BCKDHB: variants seen among roughly 807,000 people sequenced by gnomAD.
BCKDHB encodes branched chain keto acid dehydrogenase E1 subunit beta, also known as 2-oxoisovalerate dehydrogenase subunit beta, mitochondrial.
BCKDHB carries 41 observed loss-of-function variants against 48.5 expected under a neutral mutation model. The ratio of observed to expected loss-of-function variants is 0.85; its 90% confidence interval spans 0.66 to 1.10. The LOEUF is 1.10. BCKDHB is among the 50% of genes least tolerant of loss of function. The pLI, the probability that BCKDHB is intolerant of heterozygous loss-of-function variation, is 0.00. For synonymous variants in BCKDHB, 201 were observed against 174.8 expected (o/e 1.15, Z -1.18); for missense variants, 496 against 494.2 (o/e 1.00, Z -0.03).
chr6:80,431,017 G>T, the BCKDHB span, among the ~76,000 whole-genome samples: 1 of 152,118 alleles, frequency 6.6e-6, no homozygotes, highest in Non-Finnish European at 1.5e-5. Flanking sequence ...CTGGTCCGTT[G>T]TGTCTTTGTT....
chr6:80,316,283 T>C (rs540418771), intron 9 of BCKDHB, among the ~76,000 whole-genome samples: 1 of 152,364 alleles, frequency 6.6e-6, no homozygotes, highest in South Asian at 2.1e-4. Flanking sequence ...TGTTTTAGAT[T>C]TCCTTGAATC....
At chr6:80,176,237 A>ATAGTAGATTAGATATTATTC (rs766653988) in intron 6 of BCKDHB, among the ~76,000 whole-genome samples, 3 of 152,172 alleles carry the variant, frequency 2.0e-5, no homozygotes, top group Non-Finnish European at 4.4e-5. Context: ...TCTGGTATTA[A>ATAGTAGATTAGATATTATTC]TGGAGGAATA....
At chr6:80,440,365 T>C in the BCKDHB span, among the ~76,000 whole-genome samples, 1 of 152,130 alleles carries the variant, frequency 6.6e-6, no homozygotes, top group Non-Finnish European at 1.5e-5. Flanking sequence ...TTAAGCACAG[T>C]CATAAATAAT....
chr6:80,207,569 G>A (rs1472032737), intron 8 of BCKDHB, among the ~76,000 whole-genome samples: 1 of 151,662 alleles, frequency 6.6e-6, no homozygotes, highest in Non-Finnish European at 1.5e-5. Context: ...AATAAACCTA[G>A]TAAAAGTCTA....
intron 8 of BCKDHB, among the ~76,000 whole-genome samples, chr6:80,225,022 T>C (rs1434555976): frequency 6.6e-6 from 1 of 152,214 alleles, no homozygotes; most frequent in African/African-American, 2.4e-5. Context: ...TTCCACCTAT[T>C]GATTCTTATT....
rs559387643 is a variant in BCKDHB, at chr6:80,149,722, A to T, written c.344-17956A>T. 4.6e-4 allele frequency among the ~76,000 whole-genome samples: 70 copies of T among 150,620 alleles called. 1 individual carries two copies. The South Asian group carries it at 6.3e-3, about 14-fold the overall frequency. On this transcript the variant is annotated intron_variant, in intron 3 of 9. Transcript: ENST00000320393. ...AAATCATCATTCTCAGTAAACTATC[A>T]CAAGAACAAAAAACCAAACACCACA...
chr6:80,138,063 T>A (rs1226486415), intron 3 of BCKDHB, among the ~76,000 whole-genome samples: 1 of 151,962 alleles, frequency 6.6e-6, no homozygotes, highest in Non-Finnish European at 1.5e-5. Context: ...GCCTGGGTGA[T>A]AGAAGGAGAC....
At chr6:80,245,959 C>G (rs1052880633) in intron 8 of BCKDHB, among the ~76,000 whole-genome samples, 2 of 151,996 alleles carry the variant, frequency 1.3e-5, no homozygotes, top group Non-Finnish European at 2.9e-5. Flanking sequence ...TGCCTGTGGT[C>G]CAGCTACTCG....
intron 8 of BCKDHB, among the ~76,000 whole-genome samples, chr6:80,228,339 T>A (rs1775767671): frequency 6.6e-6 from 1 of 152,232 alleles, no homozygotes; most frequent in South Asian, 2.1e-4. Flanking sequence ...GCTTTGCATT[T>A]TTGCTTCCAA....
chr6:80,141,141 G>T (rs9448901), intron 3 of BCKDHB, among the ~76,000 whole-genome samples: 15 of 152,006 alleles, frequency 9.9e-5, no homozygotes, highest in South Asian at 2.1e-4. Flanking sequence ...CTGTGGGATC[G>T]GTGGTGATAT....
chr6:80,388,805 G>A, the BCKDHB span, among the ~76,000 whole-genome samples: 1 of 152,170 alleles, frequency 6.6e-6, no homozygotes, highest in Non-Finnish European at 1.5e-5. Context: ...GCTGAAAGTG[G>A]ACAGCTGCAG....
chr6:80,109,494 T>G (rs1769305281), intron 1 of BCKDHB, among the ~76,000 whole-genome samples: 1 of 152,168 alleles, frequency 6.6e-6, no homozygotes, highest in South Asian at 2.1e-4. Flanking sequence ...TAGTTCAAAT[T>G]TATACCCATT....
At chr6:80,140,164 G>C (rs1268185446) in intron 3 of BCKDHB, among the ~76,000 whole-genome samples, 1 of 152,126 alleles carries the variant, frequency 6.6e-6, no homozygotes, top group Non-Finnish European at 1.5e-5. Flanking sequence ...TGTATCCTGA[G>C]ACTTTGCTGA....
chr6:80,169,721 G>T, intron 5 of BCKDHB: 1 of 1,225,694 alleles, frequency 8.2e-7, no homozygotes, highest in Non-Finnish European at 1.1e-6. Flanking sequence ...TGTGAATCCA[G>T]AGATGTATAT....
intron 8 of BCKDHB, among the ~76,000 whole-genome samples, chr6:80,228,919 C>G (rs1278103982): frequency 6.6e-6 from 1 of 152,112 alleles, no homozygotes; most frequent in African/African-American, 2.4e-5. Flanking sequence ...CCAGGGAGAG[C>G]TGGGCTTGGG....
the BCKDHB span, among the ~76,000 whole-genome samples, chr6:80,457,014 ACTT>A: frequency 2.0e-5 from 3 of 152,182 alleles, no homozygotes; most frequent in Non-Finnish European, 2.9e-5. Context: ...AATCAATTAG[ACTT>A]CTTCATCATA....
intron 3 of BCKDHB, among the ~76,000 whole-genome samples, chr6:80,155,685 C>T (rs1241190737): frequency 3.9e-5 from 6 of 151,990 alleles, no homozygotes; most frequent in Non-Finnish European, 8.8e-5. Context: ...ACTTAAAGAA[C>T]ACGTTTTTAC....
chr6:80,434,614 T>G, the BCKDHB span, among the ~76,000 whole-genome samples: 1 of 152,190 alleles, frequency 6.6e-6, no homozygotes, highest in African/African-American at 2.4e-5. Flanking sequence ...TCTAATTAAT[T>G]TACTTGAAAC....
intron 3 of BCKDHB, among the ~76,000 whole-genome samples, chr6:80,160,452 C>T (rs1395464187): frequency 5.3e-5 from 8 of 152,144 alleles, no homozygotes; most frequent in Admixed American, 2.0e-4. Flanking sequence ...ACCATCACAC[C>T]GGCTTCTTTT....
Sources: gnomAD v4.1 joint callset for allele counts (sites outside exome capture counted in the v4.1 genomes callset) on GRCh38, gnomAD v4.1.1 for gene constraint, MANE v1.5 for transcripts, NCBI Gene and HGNC (gene_info 2026-07-23, HGNC 2026-07-21) for gene names.